ESRRB: variants seen among roughly 807,000 people sequenced by gnomAD.
ESRRB encodes estrogen related receptor beta.
A neutral mutation model predicts 46.0 loss-of-function variants in ESRRB; 16 were observed. The observed-to-expected ratio is 0.35, with a 90% CI of 0.24 to 0.53. The LOEUF (loss-of-function observed/expected upper bound fraction) is 0.53. Ranked by LOEUF, ESRRB falls within the 20% of genes least tolerant of loss-of-function variation. The pLI, the probability that ESRRB is intolerant of heterozygous loss-of-function variation, is 0.93. For synonymous variants in ESRRB, 246 were observed against 259.6 expected, an observed-to-expected ratio of 0.95 and a Z score of 0.50; for missense variants, 488 against 607.4, an observed-to-expected ratio of 0.80 and a Z score of 2.07.
At chr14:76,461,083 T>C (rs1223243167) in intron 2 of ESRRB, among the ~76,000 whole-genome samples, 2 of 152,002 alleles carry the variant, frequency 1.3e-5, no homozygotes, top group Non-Finnish European at 2.9e-5. Context: ...ACATTGTAGG[T>C]GCTCAATGCG....
At position 76,407,613 on chromosome 14, in the gene ESRRB, CGG is replaced by C; in HGVS notation, c.50+31164_50+31165del. The C allele has an allele frequency of 3.0e-6, 3 of 985,650 alleles. No homozygotes were observed. The South Asian group carries it at 1.4e-4, about 46-fold the overall frequency. The allele number at this position is 985,650 out of a possible 1,614,324, so 61.1% of individuals were successfully genotyped here. A position where few individuals can be genotyped will look rare whatever the true frequency, so the allele number is the denominator to read the frequency against. ...GCTCAGAGGGTAAGTTGGGTCCAGT[CGG>C]GCCAGCAGGGCCACATGGCCGATTC... On this transcript the variant is annotated intron_variant, in intron 1 of 6. Transcript: ENST00000644823.
intron 2 of ESRRB, among the ~76,000 whole-genome samples, chr14:76,449,059 A>G (rs1039226130): frequency 2.0e-5 from 3 of 152,138 alleles, no homozygotes; most frequent in Admixed American, 6.6e-5. Flanking sequence ...TTGAAATTTT[A>G]TGAGAATGTA....
chr14:76,438,418 T>C (rs1887764583), intron 1 of ESRRB, among the ~76,000 whole-genome samples: 1 of 152,070 alleles, frequency 6.6e-6, no homozygotes, highest in Non-Finnish European at 1.5e-5. Context: ...TCCCAACAGT[T>C]TGGGAGGCCG....
Position 76,439,750 on chromosome 14 carries a change from G to A in ESRRB, c.460G>A (p.Gly154Arg), listed in dbSNP as rs1312463625. ...GGCCTTCTTCAAGAGGACTATCCAAGGTGCGTGGTGGGCCTCAAGGAGCCT... is the reference window on the plus strand; with the variant it reads ...GGCCTTCTTCAAGAGGACTATCCAAAGTGCGTGGTGGGCCTCAAGGAGCCT... Reference protein sequence around the residue: ...CKAFFKRTIQGNIEYSCPATN... With the variant: ...CKAFFKRTIQRNIEYSCPATN... The change falls in exon 2 of 7, where the codon GGG (glycine) becomes AGG (arginine). Residue 154 changes from glycine to arginine, a missense_variant and splice_region_variant. Transcript: ENST00000644823. 2 of 1,612,646 alleles carry A rather than the reference G, an allele frequency of 1.2e-6. No individual in the cohort carries two copies. The highest frequency in any genetic ancestry group is 1.3e-5 in the African/African-American group (1 of 74,934).
chr14:76,437,610 G>A (rs1169885892), intron 1 of ESRRB, among the ~76,000 whole-genome samples: 1 of 152,160 alleles, frequency 6.6e-6, no homozygotes, highest in Non-Finnish European at 1.5e-5. Flanking sequence ...ATAAGCATGA[G>A]CCTCCTCTCT....
At chr14:76,419,532 G>A (rs1886851299) in intron 1 of ESRRB, among the ~76,000 whole-genome samples, 1 of 152,158 alleles carries the variant, frequency 6.6e-6, no homozygotes, top group African/African-American at 2.4e-5. Flanking sequence ...TGAACTTGGG[G>A]TTCCTTCTCA....
intron 1 of ESRRB, among the ~76,000 whole-genome samples, chr14:76,381,445 G>A (rs1167391766): frequency 3.3e-5 from 5 of 152,182 alleles, no homozygotes; most frequent in African/African-American, 1.2e-4. Context: ...GACTGGGAGA[G>A]ATCCGTAGTT....
chr14:76,485,233 A>ATTTTTTTT (rs34504939), intron 5 of ESRRB, among the ~76,000 whole-genome samples: 7 of 91,862 alleles, frequency 7.6e-5, no homozygotes, highest in South Asian at 4.3e-4. Flanking sequence ...CAAATGCCTG[A>ATTTTTTTT]TTTTTTTTTT....
intron 1 of ESRRB, among the ~76,000 whole-genome samples, chr14:76,403,537 C>T (rs935893446): frequency 1.3e-5 from 2 of 152,180 alleles, no homozygotes; most frequent in African/African-American, 4.8e-5. Flanking sequence ...AAGATGTGGT[C>T]ATGTCGAAGA....
chr14:76,326,793 C>G (rs1883935264), intron 1 of ESRRB, among the ~76,000 whole-genome samples: 1 of 152,240 alleles, frequency 6.6e-6, no homozygotes, highest in African/African-American at 2.4e-5. Flanking sequence ...GCTTTCTTCT[C>G]TGGCTGTGCC....
At chr14:76,359,752 G>A (rs564073056) in intron 1 of ESRRB, among the ~76,000 whole-genome samples, 14 of 152,254 alleles carry the variant, frequency 9.2e-5, no homozygotes, top group African/African-American at 2.9e-4. Flanking sequence ...GGAAGGGTTC[G>A]TGCAGGAGGC....
chr14:76,430,277 C>T (rs560279159), intron 1 of ESRRB, among the ~76,000 whole-genome samples: 2 of 152,284 alleles, frequency 1.3e-5, no homozygotes, highest in East Asian at 1.9e-4. Flanking sequence ...TAATGGATAG[C>T]TCTTGATGGC....
At chr14:76,441,366 GAATTGGGGAGAATA>G (rs1445173983) in intron 2 of ESRRB, among the ~76,000 whole-genome samples, 27 of 152,220 alleles carry the variant, frequency 1.8e-4, no homozygotes. Flanking sequence ...ACCACGAGGT[GAATTGGGGAGAATA>G]AATTGGGGAG....
upstream of ESRRB, among the ~76,000 whole-genome samples, chr14:76,375,245 C>T (rs981581164): frequency 6.6e-6 from 1 of 151,964 alleles, no homozygotes; most frequent in African/African-American, 2.4e-5. Context: ...AGAAGCAGGG[C>T]TGGGGCATGA....
At chr14:76,413,855 G>A (rs1886546707) in intron 1 of ESRRB, among the ~76,000 whole-genome samples, 1 of 54,872 alleles carries the variant, frequency 1.8e-5, no homozygotes, top group Non-Finnish European at 3.5e-5. Context: ...CCTCACCCCT[G>A]CACCATCCCC....
At chr14:76,349,380 A>C (rs1015364783) in intron 1 of ESRRB, among the ~76,000 whole-genome samples, 7 of 152,210 alleles carry the variant, frequency 4.6e-5, no homozygotes, top group African/African-American at 1.2e-4. Context: ...TCTGTACGCA[A>C]TATCCACAAA....
At chr14:76,377,738 C>T (rs1246872883) in intron 1 of ESRRB, among the ~76,000 whole-genome samples, 1 of 151,978 alleles carries the variant, frequency 6.6e-6, no homozygotes, top group Non-Finnish European at 1.5e-5. Flanking sequence ...CCAGGAAGTA[C>T]CTAACCCCTC....
At chr14:76,408,015 C>T (rs986502098) in intron 1 of ESRRB, among the ~76,000 whole-genome samples, 3 of 152,160 alleles carry the variant, frequency 2.0e-5, no homozygotes, top group Admixed American at 2.0e-4. Context: ...CACATAGGCA[C>T]TGGCCAGTCT....
intron 1 of ESRRB, among the ~76,000 whole-genome samples, chr14:76,392,097 C>T (rs1050220616): frequency 2.0e-5 from 3 of 152,196 alleles, no homozygotes; most frequent in Non-Finnish European, 4.4e-5. Flanking sequence ...CAGTACTTAG[C>T]GGGTCCCCCA....
Sources: allele counts gnomAD v4.1 joint callset (sites outside exome capture counted in the v4.1 genomes callset), GRCh38; gene constraint gnomAD v4.1.1; transcripts MANE v1.5; gene names NCBI Gene and HGNC (gene_info 2026-07-23, HGNC 2026-07-21).